Variants in ACSM1 observed in about 807,000 individuals in gnomAD.
The protein encoded by ACSM1 is acyl-CoA synthetase medium chain family member 1.
ACSM1 carries 79 observed loss-of-function variants against 75.8 expected under a neutral mutation model. That is an observed-to-expected ratio of 1.04 (90% CI 0.87 to 1.26). The LOEUF (loss-of-function observed/expected upper bound fraction) is 1.26, where lower values mean the gene tolerates loss of function less well. Among genes scored for constraint, ACSM1 ranks in the 50% most tolerant of loss-of-function variants. The pLI is 0.00. For missense variants in ACSM1, 676 were observed against 720.1 expected (o/e 0.94, Z 0.70); for synonymous variants, 279 against 265.8 (o/e 1.05, Z -0.48).
chr16:20,661,883 G>A lies in ACSM1; in HGVS notation c.913-10C>T, dbSNP rs758552861. On this transcript the variant is annotated splice_polypyrimidine_tract_variant and intron_variant, in intron 6 of 13. Transcript: ENST00000520010. ...GGTATTTCAACAATGTCTGGAAAGG[G>A]AAGAGAGAAGAAATTTTATTTTTAC... 6.3e-7 allele frequency: 1 copy of A among 1,579,222 alleles called. No individual in the cohort carries two copies.
intron 4 of ACSM1, chr16:20,674,452 CT>C (rs763470170): frequency 5.3e-4 from 83 of 157,380 alleles, no homozygotes; most frequent in Admixed American, 1.1e-3. Context: ...TCCCTCCCCC[CT>C]CTCCACCCCC....
At chr16:20,658,038 T>G (rs1047704698) in intron 7 of ACSM1, among the ~76,000 whole-genome samples, 34 of 152,210 alleles carry the variant, frequency 2.2e-4, no homozygotes, top group Non-Finnish European at 7.3e-5. Context: ...TCCAAGTCTT[T>G]GCTATTGTGA....
chr16:20,692,955 G>A (rs141594601), intron 1 of ACSM1, among the ~76,000 whole-genome samples: 70 of 152,116 alleles, frequency 4.6e-4, no homozygotes, highest in Middle Eastern at 3.4e-3. Context: ...TGGATCATGA[G>A]GTCAGGAGTT....
At chr16:20,688,132 A>G (rs1352083086) in intron 2 of ACSM1, among the ~76,000 whole-genome samples, 2 of 152,082 alleles carry the variant, frequency 1.3e-5, no homozygotes, top group Non-Finnish European at 2.9e-5. Context: ...GCTGAAAAAT[A>G]TAGTAACTAA....
At chr16:20,630,211 C>A (rs972124912) in intron 10 of ACSM1, among the ~76,000 whole-genome samples, 5 of 151,636 alleles carry the variant, frequency 3.3e-5, no homozygotes, top group African/African-American at 1.2e-4. Flanking sequence ...CCTCCGCCTC[C>A]AGTAGCTGGG....
At chr16:20,697,344 G>A (rs1780643980) in intron 1 of ACSM1, among the ~76,000 whole-genome samples, 1 of 151,946 alleles carries the variant, frequency 6.6e-6, no homozygotes, top group South Asian at 2.1e-4. Flanking sequence ...TGTCTCCCAC[G>A]GCTCACCACA....
chr16:20,674,240 A>T (rs551336194), intron 4 of ACSM1: 15 of 302,954 alleles, frequency 5.0e-5, no homozygotes, highest in Non-Finnish European at 1.0e-4. Context: ...GTCTGTGGCT[A>T]GTGAGCCTTA....
At chr16:20,629,154 GT>G (rs1460126669) in intron 10 of ACSM1, among the ~76,000 whole-genome samples, 2 of 151,644 alleles carry the variant, frequency 1.3e-5, no homozygotes, top group African/African-American at 4.9e-5. Flanking sequence ...TGAGAAAATT[GT>G]TTTTTTTAAG....
At chr16:20,627,150 G>T in intron 11 of ACSM1, 39 bp downstream of exon 11, 1 of 1,492,240 alleles carries the variant, frequency 6.7e-7, no homozygotes. Context: ...TGAGGCATGT[G>T]ACGGCAACAA....
intron 10 of ACSM1, among the ~76,000 whole-genome samples, chr16:20,635,999 G>A (rs1433488099): frequency 6.6e-6 from 1 of 152,160 alleles, no homozygotes. Flanking sequence ...AGTAAGGCCT[G>A]TATGTTCCCC....
chr16:20,664,171 T>TTATTTATTTATTTATC (rs1375975587), intron 6 of ACSM1, among the ~76,000 whole-genome samples: 1 of 151,494 alleles, frequency 6.6e-6, no homozygotes, highest in Non-Finnish European at 1.5e-5. Flanking sequence ...ATTTATTTAT[T>TTATTTATTTATTTATC]TATTTTTGGT....
intron 8 of ACSM1, among the ~76,000 whole-genome samples, chr16:20,638,483 T>C (rs1030319592): frequency 2.0e-5 from 3 of 152,234 alleles, no homozygotes; most frequent in Non-Finnish European, 4.4e-5. Flanking sequence ...TATTTATCCC[T>C]GAGCTTCCAA....
Position 20,646,841 on chromosome 16 carries a change from T to C in ACSM1, c.993-6257A>G, listed in dbSNP as rs367790533. Among the ~76,000 whole-genome samples the C allele has an allele frequency of 9.3e-4, 142 of 152,242 alleles. 6 individuals are homozygous for C. In the South Asian group the frequency reaches 0.028, roughly 30 times the overall value. On this transcript the variant is annotated intron_variant, in intron 7 of 13. Coordinates refer to ENST00000520010, the MANE Select transcript of ACSM1 (RefSeq NM_001318890.3). ...CTTCTGAGGGAACACCTATCAAACA[T>C]CAGGAAGCCATTAGGCCCCAAAATT...
intron 6 of ACSM1, among the ~76,000 whole-genome samples, chr16:20,665,092 A>G (rs1033166182): frequency 2.6e-5 from 4 of 152,002 alleles, no homozygotes; most frequent in Non-Finnish European, 5.9e-5. Flanking sequence ...AGGAACTAGG[A>G]AAAAAAAGAA....
At chr16:20,635,272 G>A (rs889574339) in intron 10 of ACSM1, among the ~76,000 whole-genome samples, 1 of 152,168 alleles carries the variant, frequency 6.6e-6, no homozygotes, top group Non-Finnish European at 1.5e-5. Flanking sequence ...GTACCTGCCC[G>A]TGGTCCCAGC....
chr16:20,643,174 G>C (rs550399759), intron 7 of ACSM1, among the ~76,000 whole-genome samples: 1 of 152,182 alleles, frequency 6.6e-6, no homozygotes, highest in Non-Finnish European at 1.5e-5. Context: ...AGAGTTGGGG[G>C]TTGTTAGAGA....
chr16:20,682,950 T>C (rs2079476895), intron 3 of ACSM1, among the ~76,000 whole-genome samples: 1 of 152,090 alleles, frequency 6.6e-6, no homozygotes, highest in Non-Finnish European at 1.5e-5. Context: ...GTTTTTTGCA[T>C]TCCCTTCTAT....
At chr16:20,632,894 C>A (rs2017432926) in intron 10 of ACSM1, among the ~76,000 whole-genome samples, 1 of 152,164 alleles carries the variant, frequency 6.6e-6, no homozygotes, top group Admixed American at 6.5e-5. Context: ...ATATAATAAA[C>A]CACATTAATA....
At chr16:20,685,684 G>T (rs1712755702) in intron 2 of ACSM1, among the ~76,000 whole-genome samples, 1 of 151,872 alleles carries the variant, frequency 6.6e-6, no homozygotes, top group South Asian at 2.1e-4. Flanking sequence ...GCTGGGCATG[G>T]TGGTGCATGC....
Sources: allele counts gnomAD v4.1 joint callset (sites outside exome capture counted in the v4.1 genomes callset), GRCh38; gene constraint gnomAD v4.1.1; transcripts MANE v1.5; gene names NCBI Gene and HGNC (gene_info 2026-07-23, HGNC 2026-07-21).